UTP3: variants seen among roughly 807,000 people sequenced by gnomAD.
UTP3 encodes the protein something about silencing protein 10.
A neutral mutation model predicts 37.9 loss-of-function variants in UTP3; 19 were observed. That is an observed-to-expected ratio of 0.50 (90% CI 0.35 to 0.74). UTP3 has a LOEUF of 0.74. Ranked by LOEUF, UTP3 falls within the 30% of genes least tolerant of loss-of-function variation. UTP3 has a pLI of 0.01. For synonymous variants in UTP3, 242 were observed against 218.5 expected, an observed-to-expected ratio of 1.11 and a Z score of -0.95; for missense variants, 504 against 570.7, an observed-to-expected ratio of 0.88 and a Z score of 1.19.
At position 70,688,662 on chromosome 4, in the gene UTP3, C is replaced by G; in HGVS notation, c.-16C>G. The G allele has an allele frequency of 6.2e-7, 1 of 1,606,650 alleles. No individual in the cohort carries two copies. Among genetic ancestry groups the G allele is most frequent in the Non-Finnish European group, 8.5e-7 (1 of 1,176,886 alleles). ...CCGAAAGTCCGGAGTCGCTGTAAAACCTGAGATTGTGAGCCATGGTGGGGA... is the reference window on the plus strand; with the variant it reads ...CCGAAAGTCCGGAGTCGCTGTAAAAGCTGAGATTGTGAGCCATGGTGGGGA... On this transcript the variant is annotated 5_prime_UTR_variant, in exon 1 of 1. Coordinates refer to ENST00000254803, the MANE Select transcript of UTP3 (RefSeq NM_020368.3).
rs1454032239 is a variant in UTP3 at position 70,688,890 on chromosome 4, CGAGGAGGATGGCGAGGAG to C, written c.222_239del (p.Asp74_Glu79del). On this transcript the variant is annotated inframe_deletion, in exon 1 of 1. Coordinates refer to ENST00000254803, the MANE Select transcript of UTP3 (RefSeq NM_020368.3). ...GCTGGAATGAAGTACAGAGTGGAGA[CGAGGAGGATGGCGAGGAG>C]GAGGAGGAGGAGGTGCTAGCCCTAG... 1.9e-6 allele frequency: 3 copies of C among 1,613,600 alleles called. No individual in the cohort carries two copies. Among genetic ancestry groups the C allele is most frequent in the Non-Finnish European group, 2.5e-6 (3 of 1,179,906 alleles).
chr4:70,690,450 T>C lies in UTP3; in HGVS notation c.*333T>C. The C allele has an allele frequency of 5.5e-6, 1 of 181,984 alleles. No individual in the cohort carries two copies. The highest frequency in any genetic ancestry group is 1.3e-5 in the Non-Finnish European group (1 of 78,220). 11.3% of individuals were successfully genotyped at this position (181,984 alleles called of 1,614,324 possible). ...GAATGCATCTTTGACAGTTATCTTA[T>C]TTGTAAGGCAGCCTATAAAATAGTT... On this transcript the variant is annotated 3_prime_UTR_variant, in exon 1 of 1. Coordinates refer to ENST00000254803, the MANE Select transcript of UTP3 (RefSeq NM_020368.3).
In UTP3 at chr4:70,688,954, G is replaced by A. The variant is rs375905342; in HGVS notation, c.277G>A (p.Glu93Lys). 6.2e-7 allele frequency: 1 copy of A among 1,608,136 alleles called. No homozygotes were observed. Among genetic ancestry groups the A allele is most frequent in the Non-Finnish European group, 8.5e-7 (1 of 1,176,250 alleles). Residue 93 changes from glutamate (E) to lysine (K), a missense_variant, in exon 1 of 1, where the codon GAA (glutamate) becomes AAA (lysine). Transcript: ENST00000254803. ...LALDMDDEDD[E>K]DGGNAGEEEE... ...CCTAGATATGGACGATGAGGACGAC[G>A]AAGATGGAGGGAATGCGGGGGAGGA...
rs1427741693 is a variant in UTP3, at chr4:70,689,659, C to T, written c.982C>T (p.Leu328Phe). 1 of 1,614,056 alleles carries T rather than the reference C, an allele frequency of 6.2e-7. No homozygotes were observed. Among genetic ancestry groups the T allele is most frequent in the Non-Finnish European group, 8.5e-7 (1 of 1,180,038 alleles). The change falls in exon 1 of 1, where the codon CTT becomes TTT. Residue 328 changes from leucine to phenylalanine, a missense_variant. Physicochemically the swap from Leu to Phe is conservative, Grantham distance 22. Transcript: ENST00000254803. ...CTCAGAAATTCGTCATCTGTTGACA[C>T]TTAAGGATGATGCTGTAAAGAAAGA... ...LSSEIRHLLT[L>F]KDDAVKKELI... is the part of the protein sequence containing the mutation.
Position 70,689,394 on chromosome 4 carries a change from G to GTTA in UTP3, c.717_718insTTA (p.Glu239_Val240insLeu). 1 of 1,614,140 alleles carries GTTA rather than the reference G, an allele frequency of 6.2e-7. No homozygotes were observed. The highest frequency in any genetic ancestry group is 1.3e-5 in the African/African-American group (1 of 75,046). On this transcript the variant is annotated inframe_insertion, in exon 1 of 1. Transcript: ENST00000254803. ...AAGACCTGAAAGTCAAGTTGACAGA[G>GTTA]GTTAAGGATGAGCTGGAGCCATTGT...
At position 70,688,872 on chromosome 4, in the gene UTP3, T is replaced by G; in HGVS notation, c.195T>G (p.Asn65Lys). 1 of 1,613,786 alleles carries G rather than the reference T, an allele frequency of 6.2e-7. No homozygotes were observed. Among genetic ancestry groups the G allele is most frequent in the Non-Finnish European group, 8.5e-7 (1 of 1,179,974 alleles). ...GGGCCGCCTTAGCTAAGGGCTGGAA[T>G]GAAGTACAGAGTGGAGACGAGGAGG... ...RSRAALAKGW[N>K]EVQSGDEEDG... The change falls in exon 1 of 1, where the codon AAT (asparagine) becomes AAG (lysine). Residue 65 changes from asparagine to lysine, a missense_variant. By Grantham distance (94) the Asn-to-Lys change is moderately conservative. Coordinates refer to ENST00000254803, the MANE Select transcript of UTP3 (RefSeq NM_020368.3).
At position 70,689,252 on chromosome 4, in the gene UTP3, CAGTGCCT is replaced by C; in HGVS notation, c.576_582del (p.Val193ArgfsTer2). ...GCCTGGGTTGAGGCCTTTGCAAAAC[CAGTGCCT>C]CAGGTAGATGAGGCTGAGACACGGG... On this transcript the variant is annotated frameshift_variant, in exon 1 of 1. Coordinates refer to ENST00000254803, the MANE Select transcript of UTP3 (RefSeq NM_020368.3). LOFTEE classifies it high-confidence loss of function. 6.2e-7 allele frequency: 1 copy of C among 1,614,146 alleles called. No individual in the cohort carries two copies.
rs1210751615 is a variant in UTP3, at chr4:70,688,589, G to A, written c.-89G>A. The A allele has an allele frequency of 7.2e-6, 10 of 1,380,020 alleles. No homozygotes were observed. The highest frequency in any genetic ancestry group is 2.5e-5 in the East Asian group (1 of 40,080). 85.5% of individuals were successfully genotyped at this position (1,380,020 alleles called of 1,614,324 possible). ...GTAGGGGAGCGCGCTGCTGTTTAGAGCCACGAGTTACCGGAGCGCCTGATT... is the reference window on the plus strand; with the variant it reads ...GTAGGGGAGCGCGCTGCTGTTTAGAACCACGAGTTACCGGAGCGCCTGATT... On this transcript the variant is annotated 5_prime_UTR_variant, in exon 1 of 1. Transcript: ENST00000254803.
Position 70,689,585 on chromosome 4 carries a change from C to T in UTP3, c.908C>T (p.Thr303Ile). 6.2e-7 allele frequency: 1 copy of T among 1,614,164 alleles called. No homozygotes were observed. Among genetic ancestry groups the T allele is most frequent in the Non-Finnish European group, 8.5e-7 (1 of 1,180,030 alleles). The change falls in exon 1 of 1, where the codon ACC becomes ATC. Residue 303 changes from threonine to isoleucine, a missense_variant. Thr to Ile is a moderately conservative substitution (Grantham distance 89, BLOSUM62 -1). Coordinates refer to ENST00000254803, the MANE Select transcript of UTP3 (RefSeq NM_020368.3). ...HGHPVIERLV[T>I]YRNLINKLSV... ...CATCCTGTCATAGAAAGGCTTGTTA[C>T]CTACCGAAATTTGATCAACAAGCTG...
rs111975570 is a variant in UTP3, at chr4:70,689,939, T to C, written c.1262T>C (p.Leu421Pro). The C allele has an allele frequency of 1.2e-5, 20 of 1,613,984 alleles. No homozygotes were observed. Among genetic ancestry groups the C allele is most frequent in the Non-Finnish European group, 5.9e-6 (7 of 1,180,018 alleles). Residue 421 changes from leucine to proline, a missense_variant, in exon 1 of 1, where the codon CTT becomes CCT. Leu to Pro is a moderately conservative substitution (Grantham distance 98). Coordinates refer to ENST00000254803, the MANE Select transcript of UTP3 (RefSeq NM_020368.3). ...TATCAAATTGCTAAAAATAGGGGAC[T>C]TACTCCTAGGAGAAAGAAGATTGAT... ...ITYQIAKNRGLTPRRKKIDRN... is the reference protein window; with the variant it reads ...ITYQIAKNRGPTPRRKKIDRN...
rs747804289 is a variant in UTP3 at position 70,690,083 on chromosome 4, G to A, written c.1406G>A (p.Arg469His). ...QRYSGELSGI[R>H]AGVKKSIKLK ...TATAGTGGTGAATTATCTGGCATTC[G>A]TGCAGGAGTTAAAAAGAGCATTAAG... The change falls in exon 1 of 1, where the codon CGT becomes CAT. Residue 469 changes from arginine to histidine, a missense_variant. Arg to His is a conservative substitution (Grantham distance 29). Coordinates refer to ENST00000254803, the MANE Select transcript of UTP3 (RefSeq NM_020368.3). 8.1e-6 allele frequency: 13 copies of A among 1,608,094 alleles called. No individual in the cohort carries two copies. Among genetic ancestry groups the A allele is most frequent in the Non-Finnish European group, 1.0e-5 (12 of 1,178,426 alleles).
At position 70,688,888 on chromosome 4, in the gene UTP3, G is replaced by A; in HGVS notation, c.211G>A (p.Asp71Asn). ...GGGCTGGAATGAAGTACAGAGTGGA[G>A]ACGAGGAGGATGGCGAGGAGGAGGA... ...AKGWNEVQSGDEEDGEEEEEE... is the reference protein window; with the variant it reads ...AKGWNEVQSGNEEDGEEEEEE... The change falls in exon 1 of 1, where the codon GAC becomes AAC. Residue 71 changes from aspartate (D) to asparagine (N), a missense_variant. Physicochemically the swap from Asp to Asn is conservative, Grantham distance 23 (BLOSUM62 1). Transcript: ENST00000254803. The A allele has an allele frequency of 6.2e-7, 1 of 1,614,122 alleles. No homozygotes were observed. Among genetic ancestry groups the A allele is most frequent in the South Asian group, 1.1e-5 (1 of 91,084 alleles).
In UTP3 at chr4:70,690,138, T is replaced by C. The variant is rs1739590348; in HGVS notation, c.*21T>C. On this transcript the variant is annotated 3_prime_UTR_variant, in exon 1 of 1. Coordinates refer to ENST00000254803, the MANE Select transcript of UTP3 (RefSeq NM_020368.3). ...AATGAAGTTTTTGCTTAGCATAAGG[T>C]TTTTGGCAGTTTTGGATCAATAAAT... 6.5e-7 allele frequency: 1 copy of C among 1,549,118 alleles called. No individual in the cohort carries two copies.
At position 70,688,752 on chromosome 4, in the gene UTP3, C is replaced by T; in HGVS notation, c.75C>T (p.Thr25=). 1.2e-6 allele frequency: 2 copies of T among 1,614,064 alleles called. No homozygotes were observed. The highest frequency in any genetic ancestry group is 1.1e-5 in the South Asian group (1 of 91,076). ...GAGCCAAGGCAGGTCCCACGCTCAC[C>T]GACGAAAATGGAGATGATTTAGGAT... ...AVRAKAGPTL[T]DENGDDLGLP... is the part of the protein sequence containing the mutation. The change falls in exon 1 of 1, where the codon ACC becomes ACT. Residue 25 remains threonine, a synonymous_variant. Coordinates refer to ENST00000254803, the MANE Select transcript of UTP3 (RefSeq NM_020368.3).
chr4:70,689,720 CAA>C lies in UTP3; in HGVS notation c.1045_1046del (p.Lys349ValfsTer17). The C allele has an allele frequency of 6.2e-7, 1 of 1,614,156 alleles. No homozygotes were observed. Among genetic ancestry groups the C allele is most frequent in the Non-Finnish European group, 8.5e-7 (1 of 1,180,028 alleles). On this transcript the variant is annotated frameshift_variant, in exon 1 of 1. Coordinates refer to ENST00000254803, the MANE Select transcript of UTP3 (RefSeq NM_020368.3). LOFTEE classifies it high-confidence loss of function. The stretch of plus-strand genomic sequence containing the variant: ...AAAGCAAAATCCACCAAGCCCAAAC[CAA>C]AGTCTGTTTCAAAGACTTCTGCTGC...
At position 70,689,913 on chromosome 4, in the gene UTP3, C is replaced by T; in HGVS notation, c.1236C>T (p.Thr412=). ...ATCAAAATGCAAAGAGAGCTATTACCTATCAAATTGCTAAAAATAGGGGAC... is the reference window on the plus strand; with the variant it reads ...ATCAAAATGCAAAGAGAGCTATTACTTATCAAATTGCTAAAAATAGGGGAC... The part of the protein sequence containing the change: ...LEDQNAKRAI[T]YQIAKNRGLT... Residue 412 remains threonine (T), a synonymous_variant, in exon 1 of 1, where the codon ACC becomes ACT. Transcript: ENST00000254803. 6.2e-7 allele frequency: 1 copy of T among 1,613,724 alleles called. No individual in the cohort carries two copies. Among genetic ancestry groups the T allele is most frequent in the Non-Finnish European group, 8.5e-7 (1 of 1,179,964 alleles).
At position 70,689,516 on chromosome 4, in the gene UTP3, G is replaced by A. The variant is rs773843356; in HGVS notation, c.839G>A (p.Ser280Asn). The stretch of plus-strand genomic sequence containing the variant: ...TACTTGAATTATTGCTCGAACATCA[G>A]TTTTTATTTGATCCTGAAAGCTAGG... ...NLYLNYCSNISFYLILKARRV... is the reference protein window; with the variant it reads ...NLYLNYCSNINFYLILKARRV... Residue 280 changes from serine (S) to asparagine (N), a missense_variant, in exon 1 of 1, where the codon AGT (serine) becomes AAT (asparagine). Physicochemically the swap from Ser to Asn is conservative, Grantham distance 46. Transcript: ENST00000254803. 5.6e-6 allele frequency: 9 copies of A among 1,614,214 alleles called. No homozygotes were observed. The highest frequency in any genetic ancestry group is 3.3e-5 in the Admixed American group (2 of 60,018).
chr4:70,689,606 A>T lies in UTP3; in HGVS notation c.929A>T (p.Lys310Met). 1 of 1,614,230 alleles carries T rather than the reference A, an allele frequency of 6.2e-7. No homozygotes were observed. Among genetic ancestry groups the T allele is most frequent in the Non-Finnish European group, 8.5e-7 (1 of 1,180,036 alleles). Residue 310 changes from lysine (K) to methionine (M), a missense_variant, in exon 1 of 1, where the codon AAG (lysine) becomes ATG (methionine). By Grantham distance (95) the Lys-to-Met change is moderately conservative. Coordinates refer to ENST00000254803, the MANE Select transcript of UTP3 (RefSeq NM_020368.3). ...GTTACCTACCGAAATTTGATCAACA[A>T]GCTGTCCGTTGTGGATCAGAAGCTG... ...RLVTYRNLIN[K>M]LSVVDQKLSS...
chr4:70,690,108 G>A lies in UTP3; in HGVS notation c.1431G>A (p.Lys477=), dbSNP rs776414526. Residue 477 remains lysine (K), a synonymous_variant, in exon 1 of 1, where the codon AAG becomes AAA. Coordinates refer to ENST00000254803, the MANE Select transcript of UTP3 (RefSeq NM_020368.3). ...GIRAGVKKSI[K]LK ...GTGCAGGAGTTAAAAAGAGCATTAA[G>A]CTTAAATGAAGTTTTTGCTTAGCAT... 6 of 1,584,794 alleles carry A rather than the reference G, an allele frequency of 3.8e-6. No individual in the cohort carries two copies. In the South Asian group the frequency reaches 7.0e-5, roughly 18 times the overall value.
Sources: allele counts gnomAD v4.1 joint callset, GRCh38; gene constraint gnomAD v4.1.1; transcripts MANE v1.5; gene names NCBI Gene and HGNC (gene_info 2026-07-23, HGNC 2026-07-21).